ARHGEF3: variants seen among roughly 807,000 people sequenced by gnomAD.
ARHGEF3 encodes the protein Rho guanine nucleotide exchange factor 3.
A neutral mutation model predicts 63.2 loss-of-function variants in ARHGEF3; 28 were observed. The observed-to-expected ratio is 0.44, with a 90% CI of 0.33 to 0.61. The LOEUF (loss-of-function observed/expected upper bound fraction) is 0.61. Among genes scored for constraint, ARHGEF3 ranks in the 20% least tolerant of loss-of-function variants. The pLI, the probability that ARHGEF3 is intolerant of heterozygous loss-of-function variation, is 0.03. For synonymous variants in ARHGEF3, 266 were observed against 254.2 expected, an observed-to-expected ratio of 1.05 and a Z score of -0.44; for missense variants, 533 against 659.3, an observed-to-expected ratio of 0.81 and a Z score of 2.10.
chr3:56,751,920 C>T (rs1019145479), intron 4 of ARHGEF3, among the ~76,000 whole-genome samples: 6 of 152,122 alleles, frequency 3.9e-5, no homozygotes, highest in Admixed American at 1.3e-4. Context: ...CACAGTTATA[C>T]CCAGGGCACT....
intron 4 of ARHGEF3, among the ~76,000 whole-genome samples, chr3:56,828,480 G>C (rs1265537543): frequency 6.6e-6 from 1 of 152,138 alleles, no homozygotes; most frequent in Non-Finnish European, 1.5e-5. Context: ...TTTGCAGCGG[G>C]CCAAGACTGC....
chr3:56,757,544 AT>A (rs2035151003), intron 2 of ARHGEF3, among the ~76,000 whole-genome samples: 1 of 152,212 alleles, frequency 6.6e-6, no homozygotes, highest in African/African-American at 2.4e-5. Flanking sequence ...ATAATTTAAA[AT>A]GTAAACACCC....
rs114269230 is a variant in ARHGEF3, at chr3:56,915,573, T to C, written c.130-33219A>G. On this transcript the variant is annotated intron_variant, in intron 3 of 12. Transcript: ENST00000338458. Reference sequence around the variant, plus strand: ...AATAAAAGGGATAGGGAATGTAACCTTCAGAGCTCCTAACCATTCTTCAAC... The same window carrying C: ...AATAAAAGGGATAGGGAATGTAACCCTCAGAGCTCCTAACCATTCTTCAAC... Among the ~76,000 whole-genome samples the C allele has an allele frequency of 9.5e-4, 144 of 152,302 alleles. 1 individual carries two copies. The highest frequency in any genetic ancestry group is 3.3e-3 in the African/African-American group (137 of 41,570).
At chr3:56,984,497 G>A (rs1701458418) in intron 2 of ARHGEF3, among the ~76,000 whole-genome samples, 1 of 151,940 alleles carries the variant, frequency 6.6e-6, no homozygotes, top group Non-Finnish European at 1.5e-5. Context: ...ATTTGCCCTT[G>A]TCATGAGGCA....
intron 2 of ARHGEF3, among the ~76,000 whole-genome samples, chr3:57,031,417 C>A (rs1384721744): frequency 6.6e-6 from 1 of 152,170 alleles, no homozygotes; most frequent in Non-Finnish European, 1.5e-5. Flanking sequence ...TTACTGGGTA[C>A]TGACTATATG....
intron 3 of ARHGEF3, among the ~76,000 whole-genome samples, chr3:56,888,783 A>G (rs1276273916): frequency 6.6e-6 from 1 of 152,068 alleles, no homozygotes; most frequent in Non-Finnish European, 1.5e-5. Context: ...TGCACCTGTA[A>G]TCTCAGCTAC....
intron 2 of ARHGEF3, among the ~76,000 whole-genome samples, chr3:56,989,292 G>GTT (rs61705818): frequency 1.3e-5 from 2 of 148,440 alleles, no homozygotes; most frequent in Non-Finnish European, 1.5e-5. Flanking sequence ...CCTCGCTTGC[G>GTT]TTTTTTTTTT....
At chr3:56,869,820 T>C (rs1191807252) in intron 4 of ARHGEF3, among the ~76,000 whole-genome samples, 2 of 151,864 alleles carry the variant, frequency 1.3e-5, no homozygotes, top group African/African-American at 2.4e-5. Context: ...GGAAAAAAAA[T>C]CAGAAACAAA....
intron 4 of ARHGEF3, among the ~76,000 whole-genome samples, chr3:56,825,701 A>ATTTT (rs2038690114): frequency 6.6e-6 from 1 of 152,130 alleles, no homozygotes; most frequent in African/African-American, 2.4e-5. Context: ...CAAGACTTTC[A>ATTTT]TTGTTTGTGA....
chr3:56,868,802 T>A (rs11923190), intron 4 of ARHGEF3, among the ~76,000 whole-genome samples: 2 of 152,000 alleles, frequency 1.3e-5, no homozygotes, highest in South Asian at 4.1e-4. Context: ...TAGATGCGCC[T>A]TCTCTGTGCT....
intron 1 of ARHGEF3, among the ~76,000 whole-genome samples, chr3:57,036,308 G>C (rs941858890): frequency 5.3e-5 from 8 of 152,056 alleles, no homozygotes; most frequent in Non-Finnish European, 1.0e-4. Flanking sequence ...ATGACCACCT[G>C]GACTGGTAAA....
intron 2 of ARHGEF3, among the ~76,000 whole-genome samples, chr3:56,972,866 T>C (rs376358792): frequency 3.9e-5 from 6 of 151,910 alleles, no homozygotes; most frequent in South Asian, 2.1e-4. Flanking sequence ...TTGCTGTCAA[T>C]GTTGTATGGA....
intron 4 of ARHGEF3, among the ~76,000 whole-genome samples, chr3:56,867,323 A>G (rs1171286426): frequency 6.6e-6 from 1 of 152,242 alleles, no homozygotes; most frequent in Non-Finnish European, 1.5e-5. Flanking sequence ...ACAACAAAAT[A>G]AAAATTATAT....
At chr3:56,869,715 G>T (rs151297487) in intron 4 of ARHGEF3, among the ~76,000 whole-genome samples, 5 of 152,080 alleles carry the variant, frequency 3.3e-5, no homozygotes, top group Non-Finnish European at 5.9e-5. Flanking sequence ...TCATTTAGGG[G>T]TAAACTCAAT....
chr3:56,886,595 G>A (rs1397193991), intron 3 of ARHGEF3, among the ~76,000 whole-genome samples: 2 of 152,178 alleles, frequency 1.3e-5, no homozygotes, highest in African/African-American at 4.8e-5. Flanking sequence ...AGCAGAGAGT[G>A]CAACAGGACA....
chr3:56,821,318 G>A (rs1284337946), intron 4 of ARHGEF3, among the ~76,000 whole-genome samples: 1 of 152,176 alleles, frequency 6.6e-6, no homozygotes, highest in Non-Finnish European at 1.5e-5. Flanking sequence ...GTTGAAGCTG[G>A]ATGATGGTGA....
intron 3 of ARHGEF3, among the ~76,000 whole-genome samples, chr3:56,929,517 G>C (rs1386586451): frequency 6.6e-6 from 1 of 152,144 alleles, no homozygotes; most frequent in African/African-American, 2.4e-5. Flanking sequence ...ACTGCTTCAG[G>C]TCTTGGGTGG....
chr3:57,042,683 TA>T (rs55963296), intron 1 of ARHGEF3, among the ~76,000 whole-genome samples: 7,130 of 40,300 alleles, frequency 0.18, 1,108 homozygotes, highest in Non-Finnish European at 0.21. Flanking sequence ...TATATATATA[TA>T]TATATATATA....
chr3:56,861,917 A>C (rs2040087954), intron 4 of ARHGEF3, among the ~76,000 whole-genome samples: 1 of 150,734 alleles, frequency 6.6e-6, no homozygotes, highest in Non-Finnish European at 1.5e-5. Flanking sequence ...CAATCTAATA[A>C]GCAGCAGCTC....
Sources: allele counts gnomAD v4.1 joint callset (sites outside exome capture counted in the v4.1 genomes callset), GRCh38; gene constraint gnomAD v4.1.1; transcripts MANE v1.5; gene names NCBI Gene and HGNC (gene_info 2026-07-23, HGNC 2026-07-21).